The following CYP4F2 variants were observed in gnomAD, a reference collection of about 807,000 sequenced individuals.
The protein encoded by CYP4F2 is cytochrome P450 4F2.
In CYP4F2, 58 loss-of-function variants were observed where a neutral mutation model predicts 58.9. That is an observed-to-expected ratio of 0.98 (90% CI 0.80 to 1.23). CYP4F2 has a LOEUF of 1.23. CYP4F2 is among the 50% of genes most tolerant of loss of function. CYP4F2 has a pLI of 0.00. For synonymous variants in CYP4F2, 287 were observed against 261.1 expected (o/e 1.10, Z -0.95); for missense variants, 616 against 685.6 (o/e 0.90, Z 1.13).
chr19:15,895,470 C>T, intron 3 of CYP4F2, 36 bp downstream of exon 3: 2 of 1,469,162 alleles, frequency 1.4e-6, no homozygotes, highest in Middle Eastern at 1.8e-4. Flanking sequence ...GTGCAGGCCT[C>T]AAATGCACTG....
At chr19:15,895,435 A>C in intron 3 of CYP4F2, 71 bp downstream of exon 3, 1 of 1,451,802 alleles carries the variant, frequency 6.9e-7, no homozygotes, top group African/African-American at 1.5e-5. Flanking sequence ...TGCAGGGCCC[A>C]CACAGGAGCT....
At chr19:15,895,334 T>C (rs2089441167) in intron 3 of CYP4F2, among the ~76,000 whole-genome samples, 172 bp downstream of exon 3, 1 of 151,734 alleles carries the variant, frequency 6.6e-6, no homozygotes, top group Non-Finnish European at 1.5e-5. Context: ...TAGATGGCAA[T>C]AGAGAGAGGA....
intron 7 of CYP4F2, 39 bp from the exon 8 acceptor site, chr19:15,886,347 CA>C: frequency 6.2e-7 from 1 of 1,611,098 alleles, no homozygotes. Flanking sequence ...CCCCCACCCC[CA>C]TAAAAAGTCA....
At chr19:15,896,298 CT>C (rs2089448367) in intron 2 of CYP4F2, among the ~76,000 whole-genome samples, 1 of 152,110 alleles carries the variant, frequency 6.6e-6, no homozygotes, top group South Asian at 2.1e-4. Context: ...CTCTATCTAT[CT>C]ATCTATCCAC....
rs201836634 is a variant in CYP4F2, at chr19:15,886,317, A to C, written c.919-9T>G. ...TTCTTCCCGTCTTCATCCTGGAGAG[A>C]AGGCAGTAACCCCCCCCAACCCCCA... is the stretch of plus-strand genomic sequence containing the variant. On this transcript the variant is annotated splice_polypyrimidine_tract_variant and intron_variant, in intron 7 of 12. Transcript: ENST00000221700. 462 of 1,608,564 alleles carry C rather than the reference A, an allele frequency of 2.9e-4. No individual in the cohort carries two copies. The highest frequency in any genetic ancestry group is 3.7e-4 in the Non-Finnish European group (435 of 1,178,984).
At chr19:15,895,944 T>A (rs1329893950) in intron 2 of CYP4F2, among the ~76,000 whole-genome samples, 2 of 152,136 alleles carry the variant, frequency 1.3e-5, no homozygotes, top group Non-Finnish European at 2.9e-5. Flanking sequence ...ACTCCATCTG[T>A]CTACATAATC....
intron 6 of CYP4F2, 22 bp downstream of exon 6, chr19:15,890,290 C>A (rs1260439542): frequency 5.0e-6 from 8 of 1,613,884 alleles, no homozygotes; most frequent in Non-Finnish European, 6.8e-6. Flanking sequence ...CCCAAGATCC[C>A]AGATCCTGGG....
intron 9 of CYP4F2, among the ~76,000 whole-genome samples, chr19:15,885,670 C>A: frequency 1.4e-5 from 1 of 72,958 alleles, no homozygotes; most frequent in South Asian, 4.4e-4. Flanking sequence ...TTGCTGAACA[C>A]GTCTAAGTGG....
chr19:15,895,561 G>A lies in CYP4F2; in HGVS notation c.288C>T (p.Ser96=). ...CGGGGTGGCACAAACTGAGGAGGGG[G>A]GAGATGGGTCCCATCCAGACCTTAA... ...QGFKVWMGPI[S]PLLSLCHPDI... is the part of the protein sequence containing the mutation. Residue 96 remains serine (S), a synonymous_variant, in exon 3 of 13, where the codon TCC becomes TCT. Transcript: ENST00000221700. The A allele has an allele frequency of 6.4e-7, 1 of 1,559,016 alleles. No individual in the cohort carries two copies. Among genetic ancestry groups the A allele is most frequent in the South Asian group, 1.2e-5 (1 of 81,726 alleles).
intron 3 of CYP4F2, chr19:15,893,699 C>T: frequency 5.4e-6 from 1 of 185,832 alleles, no homozygotes; most frequent in South Asian, 1.2e-4. Context: ...GCACAGCAAC[C>T]CCAGCTGTGG....
At position 15,885,988 on chromosome 19, in the gene CYP4F2, G is replaced by A; in HGVS notation, c.1051C>T (p.Gln351Ter). ...LYHLAKHPEY[Q>*]ERCRQEVQEL... ...TGCACCTCCTGCCGGCAGCGCTCCT[G>A]GTATTCTGGGTGCTTTGCAAGGTGG... Residue 351 changes from glutamine (Q) to a stop codon, truncating the protein, a stop_gained, in exon 9 of 13, where the codon CAG (glutamine) becomes TAG (stop). Coordinates refer to ENST00000221700, the MANE Select transcript of CYP4F2 (RefSeq NM_001082.5). LOFTEE classifies it high-confidence loss of function. 6.2e-7 allele frequency: 1 copy of A among 1,614,106 alleles called. No homozygotes were observed. The highest frequency in any genetic ancestry group is 8.5e-7 in the Non-Finnish European group (1 of 1,180,026).
intron 12 of CYP4F2, 62 bp from the exon 13 acceptor site, chr19:15,878,998 C>T (rs1183878108): frequency 1.6e-5 from 25 of 1,589,822 alleles, no homozygotes; most frequent in Middle Eastern, 2.0e-4. Context: ...CCCATCAAGC[C>T]GGTAACCTGG....
intron 3 of CYP4F2, among the ~76,000 whole-genome samples, chr19:15,894,566 A>T (rs951994071): frequency 2.6e-5 from 4 of 152,216 alleles, no homozygotes; most frequent in African/African-American, 9.6e-5. Context: ...GCCATGCCTG[A>T]AGGCCACCCT....
In CYP4F2 at chr19:15,889,517, C is replaced by A; in HGVS notation, c.824G>T (p.Arg275Leu). The A allele has an allele frequency of 1.2e-6, 2 of 1,614,198 alleles. No homozygotes were observed. Among genetic ancestry groups the A allele is most frequent in the Non-Finnish European group, 1.7e-6 (2 of 1,180,034 alleles). The stretch of plus-strand genomic sequence containing the variant: ...AACACCCTGGCTAGGGAGAGTGCGG[C>A]GCCGCTCCTGGATGACGGCATCTGT... ...DFTDAVIQER[R>L]RTLPSQGVDD... Residue 275 changes from arginine (R) to leucine (L), a missense_variant, in exon 7 of 13, where the codon CGC becomes CTC. Coordinates refer to ENST00000221700, the MANE Select transcript of CYP4F2 (RefSeq NM_001082.5).
intron 7 of CYP4F2, among the ~76,000 whole-genome samples, chr19:15,889,001 G>C (rs2089399604): frequency 6.6e-6 from 1 of 152,160 alleles, no homozygotes; most frequent in African/African-American, 2.4e-5. Context: ...CATAGACAAA[G>C]ATGAAGACAT....
At chr19:15,880,606 C>T (rs192775282) in intron 9 of CYP4F2, among the ~76,000 whole-genome samples, 3 of 149,456 alleles carry the variant, frequency 2.0e-5, no homozygotes, top group Non-Finnish European at 3.0e-5. Context: ...CCAACCTGGG[C>T]GATAGAGACT....
chr19:15,892,657 A>T, intron 3 of CYP4F2, 75 bp from the exon 4 acceptor site: 1 of 1,573,800 alleles, frequency 6.4e-7, no homozygotes, highest in Admixed American at 1.8e-5. Context: ...GGAGGCTCCC[A>T]GCAAGAGGTT....
At chr19:15,882,972 C>T (rs2089354374) in intron 9 of CYP4F2, among the ~76,000 whole-genome samples, 1 of 152,164 alleles carries the variant, frequency 6.6e-6, no homozygotes, top group South Asian at 2.1e-4. Flanking sequence ...TAAGGAAGCT[C>T]ATTTTTATCA....
At position 15,878,872 on chromosome 19, in the gene CYP4F2, G is replaced by A. The variant is rs752587468; in HGVS notation, c.1462C>T (p.Arg488Cys). Residue 488 changes from arginine to cysteine, a missense_variant, in exon 13 of 13, where the codon CGC becomes TGC. Coordinates refer to ENST00000221700, the MANE Select transcript of CYP4F2 (RefSeq NM_001082.5). ...GTGTGGTCAGGCAGGACGCGGAAGC[G>A]CAGCAGCGTGAGCGCCAGGACCACC... ...MKVVLALTLLRFRVLPDHTEP... is the reference protein window; with the variant it reads ...MKVVLALTLLCFRVLPDHTEP... The A allele has an allele frequency of 3.0e-5, 49 of 1,613,936 alleles. No homozygotes were observed. Among genetic ancestry groups the A allele is most frequent in the Non-Finnish European group, 4.1e-5 (48 of 1,180,002 alleles).
Sources: allele counts gnomAD v4.1 joint callset (sites outside exome capture counted in the v4.1 genomes callset), GRCh38; gene constraint gnomAD v4.1.1; transcripts MANE v1.5; gene names NCBI Gene and HGNC (gene_info 2026-07-23, HGNC 2026-07-21).